Variants in SEMA3A observed in about 807,000 individuals in gnomAD.
The protein encoded by SEMA3A is semaphorin 3A.
SEMA3A carries 29 observed loss-of-function variants against 97.9 expected under a neutral mutation model. The ratio of observed to expected loss-of-function variants is 0.30; its 90% CI spans 0.22 to 0.40. SEMA3A has a LOEUF of 0.40. Among genes scored for constraint, SEMA3A ranks in the 10% least tolerant of loss-of-function variants. SEMA3A has a pLI of 1.00. For synonymous variants in SEMA3A, 321 were observed against 323.7 expected (o/e 0.99, Z 0.09); for missense variants, 763 against 951.3 (o/e 0.80, Z 2.60).
At chr7:84,095,602 A>G (rs1269642582) in intron 4 of SEMA3A, among the ~76,000 whole-genome samples, 5 of 150,370 alleles carry the variant, frequency 3.3e-5, no homozygotes, top group Non-Finnish European at 7.4e-5. Flanking sequence ...TCTGTTCACT[A>G]AACCTTTATT....
In SEMA3A at chr7:83,958,172, A is replaced by G. The variant is rs574813102; in HGVS notation, c.*3199T>C. The stretch of plus-strand genomic sequence containing the variant: ...AAGAACAATACTTAATTTAAAGGGC[A>G]TAAAAATTCACATCATCACCATAAA... On this transcript the variant is annotated 3_prime_UTR_variant, in exon 17 of 17. Coordinates refer to ENST00000265362, the MANE Select transcript of SEMA3A (RefSeq NM_006080.3). 3.9e-5 allele frequency: 6 copies of G among 152,414 alleles called. No individual in the cohort carries two copies. In the South Asian group the frequency reaches 1.0e-3, roughly 26 times the overall value. 9.4% of individuals were successfully genotyped at this position (152,414 alleles called of 1,614,324 possible). A position where few individuals can be genotyped will look rare whatever the true frequency, so the allele number is the denominator to read the frequency against.
chr7:83,967,343 A>G (rs374838415), intron 15 of SEMA3A, among the ~76,000 whole-genome samples: 2 of 152,200 alleles, frequency 1.3e-5, no homozygotes, highest in Non-Finnish European at 2.9e-5. Context: ...AATGTGTTCT[A>G]TCTCCCTCCA....
At chr7:84,371,528 A>G (rs1335521110) in intron 2 of SEMA3A, among the ~76,000 whole-genome samples, 2 of 151,962 alleles carry the variant, frequency 1.3e-5, no homozygotes, top group African/African-American at 4.8e-5. Flanking sequence ...AAGATATAAG[A>G]AAATAAAATA....
chr7:83,984,830 T>C (rs533045796), intron 13 of SEMA3A, among the ~76,000 whole-genome samples: 1 of 152,168 alleles, frequency 6.6e-6, no homozygotes, highest in East Asian at 1.9e-4. Context: ...TTTGAATTCA[T>C]GAAGTTTTAG....
intron 6 of SEMA3A, among the ~76,000 whole-genome samples, chr7:84,032,905 A>ATGACATAAAATTTAAAGTTG (rs1791811126): frequency 6.6e-6 from 1 of 152,012 alleles, no homozygotes; most frequent in Non-Finnish European, 1.5e-5. Context: ...GTTTAAGGTT[A>ATGACATAAAATTTAAAGTTG]TGACATAAAA....
chr7:84,252,671 T>G (rs1313543069), intron 3 of SEMA3A, among the ~76,000 whole-genome samples: 2 of 152,176 alleles, frequency 1.3e-5, no homozygotes, highest in Non-Finnish European at 2.9e-5. Flanking sequence ...TATTAAAAGC[T>G]TCCGCTATAT....
intron 1 of SEMA3A, among the ~76,000 whole-genome samples, chr7:84,453,299 A>G (rs928941981): frequency 1.3e-5 from 2 of 149,462 alleles, no homozygotes; most frequent in Non-Finnish European, 3.0e-5. Flanking sequence ...GCAGTGGCGC[A>G]ATCTCGGCTC....
chr7:84,146,906 C>A (rs1462679702), intron 1 of SEMA3A, among the ~76,000 whole-genome samples: 1 of 152,124 alleles, frequency 6.6e-6, no homozygotes, highest in East Asian at 1.9e-4. Flanking sequence ...CATTAAATAC[C>A]TATGAGCGGT....
In SEMA3A at chr7:83,961,294, A is replaced by G; in HGVS notation, c.*77T>C. On this transcript the variant is annotated 3_prime_UTR_variant, in exon 17 of 17. Transcript: ENST00000265362. ...CCACATAATGCCATGAAAAAAGTTC[A>G]TGTATATTGCATTTGTTTTTCCAGT... 8.7e-7 allele frequency: 1 copy of G among 1,154,342 alleles called. No individual in the cohort carries two copies. Among genetic ancestry groups the G allele is most frequent in the Non-Finnish European group, 1.3e-6 (1 of 773,888 alleles). 71.5% of individuals were successfully genotyped at this position (1,154,342 alleles called of 1,614,324 possible).
At chr7:84,087,763 C>G (rs1250056006) in intron 4 of SEMA3A, among the ~76,000 whole-genome samples, 1 of 152,140 alleles carries the variant, frequency 6.6e-6, no homozygotes, top group African/African-American at 2.4e-5. Context: ...TTCTTGAATC[C>G]TTTTCTGAAC....
chr7:84,017,934 TAC>T (rs1791169882), intron 6 of SEMA3A, among the ~76,000 whole-genome samples: 1 of 152,124 alleles, frequency 6.6e-6, no homozygotes, highest in African/African-American at 2.4e-5. Flanking sequence ...CCTTTGTCCT[TAC>T]ATTTAAGCAA....
At chr7:84,285,472 A>G (rs1274969410) in intron 3 of SEMA3A, among the ~76,000 whole-genome samples, 4 of 151,964 alleles carry the variant, frequency 2.6e-5, no homozygotes, top group African/African-American at 9.7e-5. Flanking sequence ...TATTTAATAG[A>G]AAACTTATTA....
intron 12 of SEMA3A, among the ~76,000 whole-genome samples, chr7:83,990,731 A>G (rs1584514019): frequency 8.9e-6 from 1 of 111,886 alleles, no homozygotes; most frequent in African/African-American, 3.3e-5. Flanking sequence ...GCCTTGTAGT[A>G]TAGTTTGAAG....
At chr7:84,282,561 A>C (rs1451399711) in intron 3 of SEMA3A, among the ~76,000 whole-genome samples, 1 of 152,086 alleles carries the variant, frequency 6.6e-6, no homozygotes. Context: ...AGCTTCTCTC[A>C]TTCTAACAAC....
intron 3 of SEMA3A, among the ~76,000 whole-genome samples, chr7:84,254,702 G>A (rs780710346): frequency 3.9e-5 from 6 of 151,982 alleles, no homozygotes; most frequent in Non-Finnish European, 8.8e-5. Context: ...TTTACAAAAT[G>A]GACTTTCTGT....
intron 1 of SEMA3A, among the ~76,000 whole-genome samples, chr7:84,156,028 G>A (rs1164802996): frequency 6.6e-6 from 1 of 152,012 alleles, no homozygotes; most frequent in Non-Finnish European, 1.5e-5. Context: ...TATCTTTAAA[G>A]CCCTTTTTCT....
intron 14 of SEMA3A, among the ~76,000 whole-genome samples, chr7:83,979,771 C>CT (rs1339144166): frequency 3.3e-5 from 5 of 152,024 alleles, no homozygotes; most frequent in African/African-American, 1.2e-4. Context: ...ATCCTTTGGA[C>CT]TACTTATATA....
intron 5 of SEMA3A, among the ~76,000 whole-genome samples, chr7:84,049,927 A>G (rs1792537098): frequency 7.3e-6 from 1 of 137,622 alleles, no homozygotes; most frequent in Non-Finnish European, 1.5e-5. Flanking sequence ...ATGTGATCTC[A>G]TTGTTCAATT....
At chr7:84,001,880 A>T in intron 12 of SEMA3A, 75 bp downstream of exon 12, 2 of 980,632 alleles carry the variant, frequency 2.0e-6, no homozygotes, top group South Asian at 2.9e-5. Flanking sequence ...GTCCATACCA[A>T]GTTCAGTGTG....
Sources: allele counts gnomAD v4.1 joint callset (sites outside exome capture counted in the v4.1 genomes callset), GRCh38; gene constraint gnomAD v4.1.1; transcripts MANE v1.5; gene names NCBI Gene and HGNC (gene_info 2026-07-23, HGNC 2026-07-21).